Variants in MTERF4 observed in about 807,000 individuals in gnomAD.
MTERF4 encodes the protein transcription termination factor 4, mitochondrial.
MTERF4 carries 17 observed loss-of-function variants against 22.5 expected under a neutral mutation model. The ratio of observed to expected loss-of-function variants is 0.75; its 90% confidence interval spans 0.52 to 1.13. MTERF4 has a LOEUF of 1.13. MTERF4 is among the 50% of genes most tolerant of loss of function. MTERF4 has a pLI of 0.00. For synonymous variants in MTERF4, 165 were observed against 175.3 expected, an observed-to-expected ratio of 0.94 and a Z score of 0.47; for missense variants, 420 against 466.8, an observed-to-expected ratio of 0.90 and a Z score of 0.92.
chr2:241,063,922 A>ACTC, the MTERF4 span: 1 of 1,011,760 alleles, frequency 9.9e-7, no homozygotes, highest in Admixed American at 2.1e-5. Flanking sequence ...CCGCCCCTAG[A>ACTC]CTCCTCCTTT....
chr2:241,070,051 A>C (rs2062631346), downstream of MTERF4: 2 of 1,613,050 alleles, frequency 1.2e-6, no homozygotes, highest in Non-Finnish European at 1.7e-6. Flanking sequence ...CCAGAGCACC[A>C]AGAGCCGCTA....
At chr2:241,072,150 A>C, downstream of MTERF4, 1 of 676,264 alleles carries the variant, frequency 1.5e-6, no homozygotes, top group Non-Finnish European at 2.7e-6. Flanking sequence ...GAGAAGATAA[A>C]CATTTTAGAA....
chr2:241,078,904 A>G (rs2063181148), intron 4 of MTERF4, among the ~76,000 whole-genome samples: 1 of 148,866 alleles, frequency 6.7e-6, no homozygotes, highest in Admixed American at 6.7e-5. Flanking sequence ...ACTTGAGGTC[A>G]GGAGTTCGAG....
chr2:241,057,394 T>A, the MTERF4 span, among the ~76,000 whole-genome samples: 3 of 140,204 alleles, frequency 2.1e-5, no homozygotes, highest in African/African-American at 8.4e-5. Context: ...TATATATATA[T>A]ATATATATAT....
chr2:241,063,679 G>A, the MTERF4 span: 22 of 1,610,322 alleles, frequency 1.4e-5, no homozygotes, highest in East Asian at 1.1e-4. Context: ...TGCAGGCTTC[G>A]TTGGAGTCCA....
downstream of MTERF4, chr2:241,072,113 G>A (rs1156464515): frequency 4.3e-6 from 3 of 698,648 alleles, no homozygotes; most frequent in African/African-American, 5.2e-5. Context: ...GTGGGCTGGA[G>A]GCGCAGGCTG....
chr2:241,102,165 C>A lies in MTERF4; in HGVS notation c.21+88G>T, dbSNP rs189164825. 2.2e-3 allele frequency: 3,336 copies of A among 1,536,542 alleles called. 6 individuals are homozygous for A. The highest frequency in any genetic ancestry group is 2.7e-3 in the Non-Finnish European group (3,022 of 1,137,000). ...CTCCGGGAGGGCTCCACGACCTGGC[C>A]GTGAAACACTCGGCGGCCGCGGTTC... On this transcript the variant is annotated intron_variant, in intron 1 of 3. Coordinates refer to ENST00000391980, the MANE Select transcript of MTERF4 (RefSeq NM_182501.4).
chr2:241,100,050 C>T (rs552977769), intron 1 of MTERF4, 156 bp from the exon 2 acceptor site: 21 of 882,338 alleles, frequency 2.4e-5, no homozygotes, highest in Admixed American at 1.8e-4. Context: ...CTTAAGCCTA[C>T]AGAGAAGGAA....
chr2:241,067,073 C>T, the MTERF4 span, among the ~76,000 whole-genome samples: 1 of 152,232 alleles, frequency 6.6e-6, no homozygotes, highest in East Asian at 1.9e-4. Flanking sequence ...CAAGGCCGCC[C>T]CATGTGAGAT....
downstream of MTERF4, chr2:241,067,644 C>CCT: frequency 1.3e-6 from 1 of 753,966 alleles, no homozygotes; most frequent in Admixed American, 2.8e-5. Context: ...GATGGGACAC[C>CCT]CTCTCCAGTG....
downstream of MTERF4, chr2:241,092,694 A>G (rs1197690060): frequency 1.3e-5 from 2 of 152,272 alleles, no homozygotes; most frequent in Non-Finnish European, 2.9e-5. This position sits in a 1 kb window ranked among gnomAD's most constrained non-coding sequence, Gnocchi z 4.6. Context: ...GACAATGTTT[A>G]AGGTTCCTTT....
At chr2:241,098,929 A>G (rs1351694045) in intron 2 of MTERF4, among the ~76,000 whole-genome samples, 1 of 152,072 alleles carries the variant, frequency 6.6e-6, no homozygotes, top group African/African-American at 2.4e-5. Context: ...CTCAAAATGT[A>G]TTCTGCACAG....
At chr2:241,100,467 T>C (rs1379617033) in intron 1 of MTERF4, among the ~76,000 whole-genome samples, 1 of 152,150 alleles carries the variant, frequency 6.6e-6, no homozygotes, top group African/African-American at 2.4e-5. Context: ...CTTAGGATTT[T>C]CTTTTTGTTT....
the MTERF4 span, among the ~76,000 whole-genome samples, chr2:241,063,084 C>T: frequency 6.6e-6 from 1 of 152,262 alleles, no homozygotes; most frequent in South Asian, 2.1e-4. Flanking sequence ...CCTTCCTGCA[C>T]CTCCCCAGGG....
At chr2:241,057,255 T>C in the MTERF4 span, among the ~76,000 whole-genome samples, 3 of 151,722 alleles carry the variant, frequency 2.0e-5, no homozygotes, top group African/African-American at 7.3e-5. Flanking sequence ...GGTGGGCACC[T>C]GTAATCTCAG....
At chr2:241,058,082 C>A in the MTERF4 span, among the ~76,000 whole-genome samples, 3 of 151,792 alleles carry the variant, frequency 2.0e-5, no homozygotes, top group South Asian at 4.2e-4. Context: ...TAAGACTATA[C>A]AAAGAATGAA....
chr2:241,088,394 AATCTT>A, downstream of MTERF4: 1 of 1,612,290 alleles, frequency 6.2e-7, no homozygotes, highest in Non-Finnish European at 8.5e-7. Flanking sequence ...ACACTGGAGA[AATCTT>A]AAGGTACGTC....
At chr2:241,055,146 G>T in the MTERF4 span, among the ~76,000 whole-genome samples, 3 of 151,898 alleles carry the variant, frequency 2.0e-5, no homozygotes, top group Non-Finnish European at 4.4e-5. Flanking sequence ...TATTTGTGCT[G>T]TAGAGGGTAG....
chr2:241,053,095 G>A, the MTERF4 span: 1,529 of 1,522,536 alleles, frequency 1.0e-3, 10 homozygotes, highest in African/African-American at 0.017. Context: ...GAGGCAGGGC[G>A]GTGGGGAGGG....
Sources: allele counts gnomAD v4.1 joint callset (sites outside exome capture counted in the v4.1 genomes callset), GRCh38; gene constraint gnomAD v4.1.1; non-coding constraint Gnocchi (gnomAD v3.1); transcripts MANE v1.5; gene names NCBI Gene and HGNC (gene_info 2026-07-23, HGNC 2026-07-21).